The following PRKCE variants were observed in gnomAD, a reference collection of about 807,000 sequenced individuals.
The protein encoded by PRKCE is protein kinase C epsilon type.
Under a neutral mutation model 85.4 loss-of-function variants are expected in PRKCE, and 16 were observed. The observed-to-expected ratio is 0.19, with a 90% CI of 0.13 to 0.28. The LOEUF is 0.28. Among genes scored for constraint, PRKCE ranks in the 10% least tolerant of loss-of-function variants. The pLI is 1.00. For missense variants in PRKCE, 573 were observed against 975.2 expected, an observed-to-expected ratio of 0.59 and a Z score of 5.49; for synonymous variants, 388 against 371.5, an observed-to-expected ratio of 1.04 and a Z score of -0.51.
chr2:45,951,531 A>G (rs1700621282), intron 2 of PRKCE, among the ~76,000 whole-genome samples: 1 of 152,238 alleles, frequency 6.6e-6, no homozygotes, highest in Admixed American at 6.5e-5. Flanking sequence ...GCTTGGGGCC[A>G]CACTTAGATG....
At chr2:45,723,295 G>T (rs1680776269) in intron 1 of PRKCE, among the ~76,000 whole-genome samples, 1 of 152,144 alleles carries the variant, frequency 6.6e-6, no homozygotes, top group African/African-American at 2.4e-5. Context: ...AAGGGAGGAG[G>T]AGAGGCCCCT....
intron 2 of PRKCE, among the ~76,000 whole-genome samples, chr2:45,857,128 C>T (rs971230764): frequency 6.6e-6 from 1 of 152,160 alleles, no homozygotes; most frequent in Non-Finnish European, 1.5e-5. Flanking sequence ...AGCTTTTGTA[C>T]TGCTTTCCAT....
intron 2 of PRKCE, among the ~76,000 whole-genome samples, chr2:45,878,971 G>A (rs984984665): frequency 3.9e-5 from 6 of 152,158 alleles, no homozygotes; most frequent in South Asian, 2.1e-4. Context: ...GGGACAGGAC[G>A]CAGAGAAATT....
intron 10 of PRKCE, among the ~76,000 whole-genome samples, chr2:46,035,715 G>A (rs921700906): frequency 3.3e-5 from 5 of 151,994 alleles, no homozygotes; most frequent in South Asian, 4.2e-4. Context: ...TATATGGCAC[G>A]TTATATATAG....
intron 5 of PRKCE, 86 bp downstream of exon 5, chr2:45,980,467 T>C: frequency 7.9e-7 from 1 of 1,267,606 alleles, no homozygotes; most frequent in Non-Finnish European, 1.1e-6. Flanking sequence ...CAAGAAAACC[T>C]TCTCTGCCTG....
At chr2:45,653,367 G>GTGGTTTT (rs1675217527) in intron 1 of PRKCE, among the ~76,000 whole-genome samples, 2 of 48,434 alleles carry the variant, frequency 4.1e-5, no homozygotes, top group South Asian at 1.7e-3. Flanking sequence ...TTGTTTTTGG[G>GTGGTTTT]TTGTTTTTTT....
chr2:45,941,817 C>T (rs1198979673), intron 2 of PRKCE, among the ~76,000 whole-genome samples: 1 of 152,104 alleles, frequency 6.6e-6, no homozygotes. Context: ...TGACAGCCTT[C>T]CCTGGCTAGT....
intron 10 of PRKCE, among the ~76,000 whole-genome samples, chr2:46,064,565 A>G (rs983057882): frequency 3.3e-5 from 5 of 152,224 alleles, no homozygotes; most frequent in African/African-American, 4.8e-5. Context: ...CTTGCACCAG[A>G]AGCAGAGTCT....
chr2:45,657,509 C>G (rs1442119334), intron 1 of PRKCE, among the ~76,000 whole-genome samples: 1 of 152,170 alleles, frequency 6.6e-6, no homozygotes, highest in African/African-American at 2.4e-5. Flanking sequence ...TGCATATCTA[C>G]TATAATTATT....
chr2:46,134,239 A>G (rs1674737054), intron 11 of PRKCE, among the ~76,000 whole-genome samples: 1 of 152,156 alleles, frequency 6.6e-6, no homozygotes, highest in Admixed American at 6.5e-5. Flanking sequence ...GATGCATCAG[A>G]CACTGTGGGA....
chr2:46,091,479 C>T (rs1050747390), intron 11 of PRKCE, among the ~76,000 whole-genome samples: 3 of 152,090 alleles, frequency 2.0e-5, no homozygotes, highest in African/African-American at 4.8e-5. Context: ...AGTAGAGGGG[C>T]CTGGGAATGG....
chr2:46,106,915 G>C (rs11680360), intron 11 of PRKCE, among the ~76,000 whole-genome samples: 1,661 of 152,098 alleles, frequency 0.011, 35 homozygotes, highest in African/African-American at 0.038. Flanking sequence ...CCCACCCTTC[G>C]ATGAAGTTGT....
intron 10 of PRKCE, among the ~76,000 whole-genome samples, chr2:46,016,038 AT>A (rs1260946087): frequency 1.3e-5 from 2 of 152,176 alleles, no homozygotes; most frequent in Non-Finnish European, 2.9e-5. Flanking sequence ...GAGAAATGAG[AT>A]CCGTGGTAGA....
chr2:45,830,028 G>A (rs547005692), intron 1 of PRKCE, among the ~76,000 whole-genome samples: 10 of 142,846 alleles, frequency 7.0e-5, no homozygotes, highest in South Asian at 2.2e-4. Flanking sequence ...AGCCGAGATC[G>A]CGCCACTGCA....
chr2:45,661,240 T>A (rs1326573453), intron 1 of PRKCE, among the ~76,000 whole-genome samples: 1 of 152,134 alleles, frequency 6.6e-6, no homozygotes, highest in East Asian at 1.9e-4. Context: ...TGGAGTGCAG[T>A]GGCATGATAT....
At chr2:45,909,414 C>T (rs968509570) in intron 2 of PRKCE, among the ~76,000 whole-genome samples, 29 of 152,270 alleles carry the variant, frequency 1.9e-4, no homozygotes, top group African/African-American at 6.5e-4. Flanking sequence ...CATAATCTCC[C>T]CCATCCCAAA....
At chr2:46,094,807 T>TAAAA (rs70937986) in intron 11 of PRKCE, among the ~76,000 whole-genome samples, 1 of 146,580 alleles carries the variant, frequency 6.8e-6, no homozygotes, top group East Asian at 2.0e-4. Context: ...AAGTTGAAGT[T>TAAAA]AAAAAAAAAA....
At chr2:45,936,607 G>T (rs1005301689) in intron 2 of PRKCE, among the ~76,000 whole-genome samples, 3 of 152,300 alleles carry the variant, frequency 2.0e-5, no homozygotes, top group Admixed American at 1.3e-4. Flanking sequence ...ATGCAGCCAG[G>T]TTTTCCTAAC....
At chr2:45,708,507 C>A (rs1402089091) in intron 1 of PRKCE, among the ~76,000 whole-genome samples, 1 of 152,194 alleles carries the variant, frequency 6.6e-6, no homozygotes, top group Non-Finnish European at 1.5e-5. Flanking sequence ...AGTTTCCCTG[C>A]ACAAGCTCTC....
Sources: allele counts gnomAD v4.1 joint callset (sites outside exome capture counted in the v4.1 genomes callset), GRCh38; gene constraint gnomAD v4.1.1; transcripts MANE v1.5; gene names NCBI Gene and HGNC (gene_info 2026-07-23, HGNC 2026-07-21).